PHACTR2: variants seen among roughly 807,000 people sequenced by gnomAD.
PHACTR2 encodes the protein phosphatase and actin regulator 2.
In PHACTR2, 30 loss-of-function variants were observed where a neutral mutation model predicts 76.0. That is an observed-to-expected ratio of 0.39 (90% CI 0.30 to 0.54). The LOEUF is 0.54. Ranked by LOEUF, PHACTR2 falls within the 20% of genes least tolerant of loss-of-function variation. The pLI is 0.61. For synonymous variants in PHACTR2, 292 were observed against 292.5 expected, an observed-to-expected ratio of 1.00 and a Z score of 0.02; for missense variants, 696 against 781.1, an observed-to-expected ratio of 0.89 and a Z score of 1.30.
upstream of PHACTR2, among the ~76,000 whole-genome samples, chr6:143,674,928 C>T (rs865805807): frequency 6.6e-6 from 1 of 152,222 alleles, no homozygotes; most frequent in African/African-American, 2.4e-5. This position sits in a 1 kb window ranked among gnomAD's most constrained non-coding sequence, Gnocchi z 4.9. Context: ...CACAAATGGT[C>T]CAGATTGCCA....
intron 1 of PHACTR2, among the ~76,000 whole-genome samples, chr6:143,685,632 C>A: frequency 7.8e-6 from 1 of 128,122 alleles, no homozygotes; most frequent in Non-Finnish European, 1.6e-5. Flanking sequence ...GTTACCTGAC[C>A]AAAGAAGAAC....
intron 2 of PHACTR2, among the ~76,000 whole-genome samples, chr6:143,717,232 A>G (rs999606277): frequency 2.0e-5 from 3 of 151,954 alleles, no homozygotes; most frequent in African/African-American, 7.3e-5. Flanking sequence ...AGCTATACCT[A>G]TTGAAATACT....
intron 6 of PHACTR2, among the ~76,000 whole-genome samples, chr6:143,770,682 G>A (rs1440026775): frequency 6.6e-6 from 1 of 152,074 alleles, no homozygotes; most frequent in Non-Finnish European, 1.5e-5. Flanking sequence ...GTTTATCTGT[G>A]TTTATTGCTG....
rs934239512 is a variant in PHACTR2 at position 143,557,741 on chromosome 6, C to A, written c.217+20534C>A. The A allele has an allele frequency of 2.0e-5, 3 of 152,168 alleles. No individual in the cohort carries two copies. In the East Asian group the frequency reaches 5.8e-4, roughly 29 times the overall value. The allele number at this position is 152,168 out of a possible 1,614,324, so 9.4% of individuals were successfully genotyped here. ...ACCCTCCTTCGTCAGCATGCTGCCA[C>A]CTTTGAAACACAGGCGTGTTGTTTC... On this transcript the variant is annotated intron_variant, in intron 1 of 11. Transcript: ENST00000367584. The surrounding 1 kb of genome is among the most constrained non-coding windows in gnomAD (Gnocchi z 5.5).
chr6:143,573,764 A>T (rs1775474603), intron 1 of PHACTR2, among the ~76,000 whole-genome samples: 1 of 152,162 alleles, frequency 6.6e-6, no homozygotes, highest in Non-Finnish European at 1.5e-5. Flanking sequence ...GGACTAAATC[A>T]CTTACCTGCC....
At position 143,708,504 on chromosome 6, in the gene PHACTR2, G is replaced by A. The variant is rs1043343866; in HGVS notation, c.47-3512G>A. Among the ~76,000 whole-genome samples, 8 of 152,172 alleles carry A rather than the reference G, an allele frequency of 5.3e-5. No homozygotes were observed. The highest frequency in any genetic ancestry group is 2.9e-5 in the Non-Finnish European group (2 of 68,028). On this transcript the variant is annotated intron_variant, in intron 1 of 12. Coordinates refer to ENST00000440869, the MANE Select transcript of PHACTR2 (RefSeq NM_001100164.2). The surrounding 1 kb of genome is among the most constrained non-coding windows in gnomAD (Gnocchi z 5.5). ...TTACCTTTCATCTGGGATTTACCTGGCAGTTTGTTCTTATCTGCATGTAAA... is the reference window on the plus strand; with the variant it reads ...TTACCTTTCATCTGGGATTTACCTGACAGTTTGTTCTTATCTGCATGTAAA...
Position 143,688,315 on chromosome 6 carries a change from G to A in PHACTR2, c.46+10106G>A, listed in dbSNP as rs766141705. Among the ~76,000 whole-genome samples the A allele has an allele frequency of 5.9e-5, 9 of 152,142 alleles. No individual in the cohort carries two copies. The highest frequency in any genetic ancestry group is 8.8e-5 in the Non-Finnish European group (6 of 68,032). ...GAAGTAGGCTGGAATAATCCAGCAAGGTGAAGTGGATGCCTGATCTGGGGT... is the reference window on the plus strand; with the variant it reads ...GAAGTAGGCTGGAATAATCCAGCAAAGTGAAGTGGATGCCTGATCTGGGGT... On this transcript the variant is annotated intron_variant, in intron 1 of 12. Coordinates refer to ENST00000440869, the MANE Select transcript of PHACTR2 (RefSeq NM_001100164.2). This position sits in a 1 kb window ranked among gnomAD's most constrained non-coding sequence, Gnocchi z 5.2.
chr6:143,642,802 A>G (rs12209146), intron 1 of PHACTR2, among the ~76,000 whole-genome samples: 43,149 of 152,112 alleles, frequency 0.28, 6,160 homozygotes, highest in Middle Eastern at 0.39. Context: ...TAGGAGAGGG[A>G]CATGGAACAG....
Position 143,543,149 on chromosome 6 carries a change from C to CATG in PHACTR2, c.217+5956_217+5958dup, listed in dbSNP as rs928756753. ...GCCTTGCATCATGCTCAGTAAATAA[C>CATG]ATGATGATGATGATGACTGTTCTTG... On this transcript the variant is annotated intron_variant, in intron 1 of 11. Transcript: ENST00000367584. This position sits in a 1 kb window ranked among gnomAD's most constrained non-coding sequence, Gnocchi z 4.7. Among the ~76,000 whole-genome samples the CATG allele has an allele frequency of 1.3e-5, 2 of 152,110 alleles. No individual in the cohort carries two copies. Among genetic ancestry groups the CATG allele is most frequent in the Admixed American group, 6.5e-5 (1 of 15,274 alleles).
chr6:143,694,639 G>A (rs749256702), intron 1 of PHACTR2, among the ~76,000 whole-genome samples: 5 of 152,190 alleles, frequency 3.3e-5, no homozygotes, highest in Non-Finnish European at 7.3e-5. Context: ...TTTTCAAAGA[G>A]CTGCTAAAAT....
In PHACTR2 at chr6:143,708,596, C is replaced by A. The variant is rs1184288915; in HGVS notation, c.47-3420C>A. 6.6e-6 allele frequency among the ~76,000 whole-genome samples: 1 copy of A among 152,156 alleles called. No homozygotes were observed. Among genetic ancestry groups the A allele is most frequent in the East Asian group, 1.9e-4 (1 of 5,204 alleles). On this transcript the variant is annotated intron_variant, in intron 1 of 12. Transcript: ENST00000440869. The surrounding 1 kb of genome is among the most constrained non-coding windows in gnomAD (Gnocchi z 5.5). ...GTTTCAAATGGATTTTAATGGAAAA[C>A]TGATCCACAAGAAAAATTATAGAAA...
In PHACTR2 at chr6:143,564,217, A is replaced by G. The variant is rs1418681574; in HGVS notation, c.217+27010A>G. Among the ~76,000 whole-genome samples the G allele has an allele frequency of 1.3e-4, 15 of 116,090 alleles. 2 individuals are homozygous for G. Among genetic ancestry groups the G allele is most frequent in the Non-Finnish European group, 2.0e-4 (11 of 54,344 alleles). 76.2% of individuals were successfully genotyped at this position (116,090 alleles called of 152,430 possible). A position where few individuals can be genotyped will look rare whatever the true frequency, so the allele number is the denominator to read the frequency against. On this transcript the variant is annotated intron_variant, in intron 1 of 11. Transcript: ENST00000367584. ...TGTGCATATATATATATATATATATATATATATATATATATATATGTATGC... is the reference window on the plus strand; with the variant it reads ...TGTGCATATATATATATATATATATGTATATATATATATATATATGTATGC...
Position 143,541,917 on chromosome 6 carries a change from C to G in PHACTR2, c.217+4710C>G, listed in dbSNP as rs903634378. 6.6e-6 allele frequency among the ~76,000 whole-genome samples: 1 copy of G among 152,238 alleles called. No individual in the cohort carries two copies. Among genetic ancestry groups the G allele is most frequent in the African/African-American group, 2.4e-5 (1 of 41,458 alleles). ...GATGCTTTGTGCTCCGAAAGGGTGT[C>G]TGGGTCCCAAGAGGCTTCTGAGCCC... On this transcript the variant is annotated intron_variant, in intron 1 of 11. Transcript: ENST00000367584. This position sits in a 1 kb window ranked among gnomAD's most constrained non-coding sequence, Gnocchi z 5.3.
chr6:143,556,837 G>GTAT lies in PHACTR2; in HGVS notation c.217+19631_217+19632insATT, dbSNP rs1775181296. On this transcript the variant is annotated intron_variant, in intron 1 of 11. Coordinates refer to the PHACTR2 transcript ENST00000367584. This position sits in a 1 kb window ranked among gnomAD's most constrained non-coding sequence, Gnocchi z 4.3. ...TTAGAAAAGCATGCTTTTAAAGTGT[G>GTAT]TCATTTAAGAGTAAGTATTCTTTTT... Among the ~76,000 whole-genome samples, 2 of 152,212 alleles carry GTAT rather than the reference G, an allele frequency of 1.3e-5. No individual in the cohort carries two copies. Among genetic ancestry groups the GTAT allele is most frequent in the Admixed American group, 1.3e-4 (2 of 15,282 alleles).
chr6:143,612,310 C>T (rs1044189308), intron 1 of PHACTR2, among the ~76,000 whole-genome samples: 8 of 152,046 alleles, frequency 5.3e-5, no homozygotes, highest in East Asian at 1.9e-4. Flanking sequence ...AATGTAAGCA[C>T]GAAGACATTT....
At chr6:143,560,284 A>G (rs1204488364) in intron 1 of PHACTR2, among the ~76,000 whole-genome samples, 3 of 152,246 alleles carry the variant, frequency 2.0e-5, no homozygotes, top group African/African-American at 7.2e-5. Context: ...TGTCTTTACA[A>G]ACAGAGCCCT....
intron 1 of PHACTR2, among the ~76,000 whole-genome samples, chr6:143,590,196 A>G (rs967338664): frequency 1.3e-5 from 2 of 152,158 alleles, no homozygotes; most frequent in Admixed American, 6.5e-5. Context: ...CTTTTTATAA[A>G]ATGGATTTTT....
At chr6:143,594,758 T>C (rs1431640957) in intron 1 of PHACTR2, among the ~76,000 whole-genome samples, 1 of 152,198 alleles carries the variant, frequency 6.6e-6, no homozygotes. Context: ...GAGTTTGCCG[T>C]CCATGGATCT....
intron 2 of PHACTR2, among the ~76,000 whole-genome samples, chr6:143,740,115 C>G (rs1582828864): frequency 1.3e-5 from 2 of 152,270 alleles, no homozygotes; most frequent in South Asian, 2.1e-4. Flanking sequence ...TGATTACATG[C>G]TAAACAAGGG....
Sources: allele counts gnomAD v4.1 joint callset (sites outside exome capture counted in the v4.1 genomes callset), GRCh38; gene constraint gnomAD v4.1.1; non-coding constraint Gnocchi (gnomAD v3.1); transcripts MANE v1.5; gene names NCBI Gene and HGNC (gene_info 2026-07-23, HGNC 2026-07-21).